The following RIMS2 variants were observed in gnomAD, a reference collection of about 807,000 sequenced individuals.
The protein encoded by RIMS2 is regulating synaptic membrane exocytosis protein 2.
A neutral mutation model predicts 174.4 loss-of-function variants in RIMS2; 59 were observed. The ratio of observed to expected loss-of-function variants is 0.34; its 90% confidence interval spans 0.27 to 0.42. The LOEUF is 0.42. Among genes scored for constraint, RIMS2 ranks in the 10% least tolerant of loss-of-function variants. The probability of loss-of-function intolerance (pLI) is 1.00; values close to 1 mark genes in which losing one functional copy is unlikely to be tolerated. For missense variants in RIMS2, 1,620 were observed against 1,666.3 expected, an observed-to-expected ratio of 0.97 and a Z score of 0.48; for synonymous variants, 606 against 572.5, an observed-to-expected ratio of 1.06 and a Z score of -0.84.
intron 3 of RIMS2, among the ~76,000 whole-genome samples, chr8:103,789,243 C>A (rs1212134498): frequency 6.6e-6 from 1 of 152,066 alleles, no homozygotes; most frequent in Non-Finnish European, 1.5e-5. Flanking sequence ...GTGTCGCTCT[C>A]GCTGGGAGCT....
At chr8:103,831,669 T>C (rs996830690) in intron 3 of RIMS2, among the ~76,000 whole-genome samples, 6 of 152,220 alleles carry the variant, frequency 3.9e-5, no homozygotes, top group Non-Finnish European at 1.5e-5. Context: ...GCATCTATTC[T>C]GGGCTTTGTC....
chr8:104,107,545 T>C (rs1456776059), intron 19 of RIMS2, among the ~76,000 whole-genome samples: 5 of 152,214 alleles, frequency 3.3e-5, no homozygotes, highest in African/African-American at 9.6e-5. Flanking sequence ...ACAGTGAAAG[T>C]TTACACATGT....
chr8:104,196,765 T>C (rs928403923), intron 19 of RIMS2, among the ~76,000 whole-genome samples: 3 of 148,110 alleles, frequency 2.0e-5, no homozygotes, highest in Non-Finnish European at 3.0e-5. Flanking sequence ...GGAAATGATA[T>C]AGATGCTTAA....
intron 19 of RIMS2, among the ~76,000 whole-genome samples, chr8:104,240,728 A>G (rs2099284906): frequency 6.6e-6 from 1 of 152,136 alleles, no homozygotes; most frequent in Admixed American, 6.6e-5. Context: ...GGAGCCAGAG[A>G]CTCAGAGAGG....
Position 104,049,960 on chromosome 8 carries a change from A to G in RIMS2, c.3334+35345A>G, listed in dbSNP as rs553139861. ...ATGTATATTTTGTGCTCAGAATTAT[A>G]GTCAATTCTAGATTTCAGGTGTTAG... On this transcript the variant is annotated intron_variant, in intron 19 of 23. Coordinates refer to ENST00000504942, the Ensembl canonical transcript of RIMS2. Among the ~76,000 whole-genome samples the G allele has an allele frequency of 7.2e-5, 11 of 152,226 alleles. 1 individual carries two copies. Among genetic ancestry groups the G allele is most frequent in the Non-Finnish European group, 1.5e-4 (10 of 68,032 alleles).
chr8:103,790,454 G>A (rs998181735), intron 3 of RIMS2, among the ~76,000 whole-genome samples: 1 of 152,098 alleles, frequency 6.6e-6, no homozygotes, highest in Non-Finnish European at 1.5e-5. Flanking sequence ...TTTTATGATG[G>A]AATATTTCAT....
At chr8:103,836,886 A>T (rs1238252531) in intron 3 of RIMS2, among the ~76,000 whole-genome samples, 2 of 152,216 alleles carry the variant, frequency 1.3e-5, no homozygotes, top group Non-Finnish European at 2.9e-5. Flanking sequence ...ATTGCAACAA[A>T]TGTATAGATG....
At chr8:103,545,215 T>G (rs1183436811) in intron 1 of RIMS2, among the ~76,000 whole-genome samples, 2 of 152,122 alleles carry the variant, frequency 1.3e-5, no homozygotes, top group Non-Finnish European at 2.9e-5. Flanking sequence ...ATTGATAGAT[T>G]GGCTGTATAA....
chr8:104,033,311 T>C (rs1024519378), intron 19 of RIMS2, among the ~76,000 whole-genome samples: 15 of 152,012 alleles, frequency 9.9e-5, no homozygotes, highest in African/African-American at 3.6e-4. Context: ...TATGTTATGA[T>C]TTATATATCA....
intron 15 of RIMS2, among the ~76,000 whole-genome samples, chr8:103,975,048 G>A (rs1191677636): frequency 6.6e-6 from 1 of 152,130 alleles, no homozygotes; most frequent in Non-Finnish European, 1.5e-5. Flanking sequence ...ATAAATTTGA[G>A]TCTTCTATTG....
At chr8:104,062,240 C>G (rs746247622) in intron 19 of RIMS2, among the ~76,000 whole-genome samples, 1 of 151,924 alleles carries the variant, frequency 6.6e-6, no homozygotes, top group Non-Finnish European at 1.5e-5. Flanking sequence ...CCTGTCTCTA[C>G]AAAAAATACA....
chr8:104,244,854 C>T, intron 19 of RIMS2, 62 bp from the exon 26 acceptor site: 2 of 1,367,320 alleles, frequency 1.5e-6, no homozygotes, highest in South Asian at 1.2e-5. Flanking sequence ...AGAGCCTTCG[C>T]TGATATTTCT....
chr8:103,766,439 A>G, exon 3 of RIMS2: 1 of 1,613,452 alleles, frequency 6.2e-7, no homozygotes, highest in East Asian at 2.2e-5. Context: ...CTGTACCTGC[A>G]GTGGAGAAAA....
intron 4 of RIMS2, among the ~76,000 whole-genome samples, chr8:103,887,639 C>A (rs1036795326): frequency 2.0e-5 from 3 of 151,348 alleles, no homozygotes; most frequent in Non-Finnish European, 4.4e-5. Context: ...GATGAATAGT[C>A]CATTTTTTGT....
At chr8:103,985,473 CAAAAAAAAAAAA>C (rs58750334) in intron 16 of RIMS2, among the ~76,000 whole-genome samples, 10 of 36,162 alleles carry the variant, frequency 2.8e-4, no homozygotes, top group South Asian at 1.9e-3. Context: ...GACTCTGTCT[CAAAAAAAAAAAA>C]AAAAAAAAAA....
At chr8:103,829,129 G>A (rs993157746) in intron 3 of RIMS2, among the ~76,000 whole-genome samples, 1 of 148,268 alleles carries the variant, frequency 6.7e-6, no homozygotes, top group African/African-American at 2.5e-5. Context: ...AATACTGTTG[G>A]TAGTTTAAAA....
Position 103,513,679 on chromosome 8 carries a change from G to C in RIMS2, c.176+12617G>C, listed in dbSNP as rs1042846307. On this transcript the variant is annotated intron_variant, in intron 1 of 23. Transcript: ENST00000504942. ...ATTGTGGTTAAGGAAGTATGGGTGT[G>C]TGGTATCTTTATCATAGGAGTAAAG... Among the ~76,000 whole-genome samples the C allele has an allele frequency of 2.0e-5, 3 of 152,284 alleles. No individual in the cohort carries two copies. In the South Asian group the frequency reaches 6.2e-4, roughly 32 times the overall value.
chr8:103,918,010 A>G lies in RIMS2; in HGVS notation c.2037-431A>G, dbSNP rs77608650. Among the ~76,000 whole-genome samples the G allele has an allele frequency of 9.8e-3, 1,496 of 152,274 alleles. 19 individuals are homozygous for G. Among genetic ancestry groups the G allele is most frequent in the East Asian group, 0.047 (241 of 5,176 alleles). ...TAAAATAAAATGAGTTTTAATCACAATATGAATATCTTACTTTTTATTTTG... is the reference window on the plus strand; with the variant it reads ...TAAAATAAAATGAGTTTTAATCACAGTATGAATATCTTACTTTTTATTTTG... On this transcript the variant is annotated intron_variant, in intron 8 of 23. Coordinates refer to ENST00000504942, the Ensembl canonical transcript of RIMS2.
intron 4 of RIMS2, among the ~76,000 whole-genome samples, chr8:103,902,615 A>G (rs951956655): frequency 2.0e-5 from 3 of 152,138 alleles, no homozygotes; most frequent in Non-Finnish European, 4.4e-5. Context: ...TTTCTTTGGA[A>G]TGGGAAAGAC....
Sources: allele counts gnomAD v4.1 joint callset (sites outside exome capture counted in the v4.1 genomes callset), GRCh38; gene constraint gnomAD v4.1.1; transcripts MANE v1.5; gene names NCBI Gene and HGNC (gene_info 2026-07-23, HGNC 2026-07-21).